The following C6orf58 variants were observed in gnomAD, a reference collection of about 807,000 sequenced individuals.
C6orf58 encodes chromosome 6 open reading frame 58, also known as protein LEG1 homolog.
In C6orf58, 30 loss-of-function variants were observed where a neutral mutation model predicts 37.0. The ratio of observed to expected loss-of-function variants is 0.81; its 90% CI spans 0.61 to 1.10. The LOEUF (loss-of-function observed/expected upper bound fraction) is 1.10, where lower values mean the gene tolerates loss of function less well. Among genes scored for constraint, C6orf58 ranks in the 50% least tolerant of loss-of-function variants. The pLI, the probability that C6orf58 is intolerant of heterozygous loss-of-function variation, is 0.00. For missense variants in C6orf58, 368 were observed against 387.5 expected, an observed-to-expected ratio of 0.95 and a Z score of 0.42; for synonymous variants, 143 against 134.1, an observed-to-expected ratio of 1.07 and a Z score of -0.46.
In C6orf58 at chr6:127,577,321, G is replaced by A; in HGVS notation, c.136G>A (p.Glu46Lys). 1.9e-6 allele frequency: 3 copies of A among 1,613,594 alleles called. No individual in the cohort carries two copies. The highest frequency in any genetic ancestry group is 2.5e-6 in the Non-Finnish European group (3 of 1,179,612). ...TGGTCAGCTCAGTGACTACAGGGTG[G>A]AGAACAGCATGTACATTATTAATCC... ...SPGQLSDYRV[E>K]NSMYIINPWV... The change falls in exon 1 of 6, where the codon GAG (glutamate) becomes AAG (lysine). Residue 46 changes from glutamate (E) to lysine (K), a missense_variant. Transcript: ENST00000329722.
intron 5 of C6orf58, 24 bp from the exon 6 acceptor site, chr6:127,591,519 G>C: frequency 6.6e-7 from 1 of 1,505,172 alleles, no homozygotes; most frequent in Non-Finnish European, 8.8e-7. Flanking sequence ...GAGTTTACAT[G>C]TAATCATTTT....
intron 4 of C6orf58, among the ~76,000 whole-genome samples, chr6:127,584,154 C>T (rs1440247069): frequency 1.3e-5 from 2 of 152,130 alleles, no homozygotes; most frequent in Admixed American, 6.5e-5. Context: ...ATAGCATTTG[C>T]CTTCTCGCAT....
At chr6:127,582,860 T>C (rs953328577) in intron 4 of C6orf58, among the ~76,000 whole-genome samples, 1 of 152,210 alleles carries the variant, frequency 6.6e-6, no homozygotes, top group Non-Finnish European at 1.5e-5. Context: ...GACATGGATT[T>C]GCCCACATAT....
chr6:127,578,422 G>A (rs1775012830), intron 1 of C6orf58, among the ~76,000 whole-genome samples: 1 of 151,754 alleles, frequency 6.6e-6, no homozygotes, highest in Non-Finnish European at 1.5e-5. Context: ...AGGTAGAGGA[G>A]GAAATAGAAG....
intron 4 of C6orf58, among the ~76,000 whole-genome samples, chr6:127,589,558 C>A (rs1775140026): frequency 6.6e-6 from 1 of 152,152 alleles, no homozygotes; most frequent in Non-Finnish European, 1.5e-5. Context: ...ATTACAGAGT[C>A]TTTTCTAACA....
intron 2 of C6orf58, among the ~76,000 whole-genome samples, chr6:127,579,267 T>C (rs1248020056): frequency 2.0e-5 from 3 of 152,192 alleles, no homozygotes; most frequent in Admixed American, 6.5e-5. Context: ...AACCAGAAGG[T>C]ATTTTCTAAT....
chr6:127,585,488 A>G (rs994499434), intron 4 of C6orf58, among the ~76,000 whole-genome samples: 1 of 152,220 alleles, frequency 6.6e-6, no homozygotes, highest in Non-Finnish European at 1.5e-5. Flanking sequence ...TCGATCTTTT[A>G]TAGAGAGGAC....
chr6:127,591,492 C>T, intron 5 of C6orf58, 51 bp from the exon 6 acceptor site: 4 of 1,447,700 alleles, frequency 2.8e-6, no homozygotes, highest in Non-Finnish European at 3.7e-6. Context: ...CCAAAAGGTA[C>T]TTTAAAAAAT....
At chr6:127,583,639 A>G (rs1239261166) in intron 4 of C6orf58, among the ~76,000 whole-genome samples, 1 of 152,138 alleles carries the variant, frequency 6.6e-6, no homozygotes, top group East Asian at 1.9e-4. Context: ...GTTGTGCTGC[A>G]AAAAAGAGCT....
chr6:127,589,940 T>C, intron 4 of C6orf58, 147 bp from the exon 5 acceptor site: 2 of 620,186 alleles, frequency 3.2e-6, no homozygotes, highest in Admixed American at 3.0e-5. Flanking sequence ...AGGGATGGAA[T>C]AAAGTCATCA....
Position 127,577,260 on chromosome 6 carries a change from C to T in C6orf58, c.75C>T (p.Leu25=). 1.2e-6 allele frequency: 2 copies of T among 1,613,516 alleles called. No homozygotes were observed. Among genetic ancestry groups the T allele is most frequent in the South Asian group, 1.1e-5 (1 of 91,058 alleles). The change falls in exon 1 of 6, where the codon CTC becomes CTT. Residue 25 remains leucine (L), a synonymous_variant. Coordinates refer to ENST00000329722, the MANE Select transcript of C6orf58 (RefSeq NM_001010905.3). ...CTTCCTTAGCAGGGACTTCCAATCT[C>T]TCAGAGACAGAGCCCCCTCTGTGGA... The part of the protein sequence containing the change: ...FSASLAGTSN[L]SETEPPLWKE...
chr6:127,577,611 C>A, intron 1 of C6orf58, 125 bp downstream of exon 1: 1 of 795,734 alleles, frequency 1.3e-6, no homozygotes, highest in Non-Finnish European at 2.0e-6. Context: ...GTTCTCTTTT[C>A]CCTTATAATC....
intron 2 of C6orf58, 92 bp from the exon 3 acceptor site, chr6:127,580,173 G>C (rs2114290764): frequency 1.1e-6 from 1 of 940,842 alleles, no homozygotes; most frequent in Non-Finnish European, 1.6e-6. Flanking sequence ...TTCTGGGTCT[G>C]TGAATTTTTT....
rs201644214 is a variant in C6orf58 at position 127,578,679 on chromosome 6, C to T, written c.302-7C>T. On this transcript the variant is annotated splice_region_variant and splice_polypyrimidine_tract_variant and intron_variant, in intron 1 of 5. Transcript: ENST00000329722. ...ATAAATACGACTGTGCATCCTCTCTCCTCCAGGCAGATTAGCTGATCCAAC... is the reference window on the plus strand; with the variant it reads ...ATAAATACGACTGTGCATCCTCTCTTCTCCAGGCAGATTAGCTGATCCAAC... 1.0e-3 allele frequency: 1,630 copies of T among 1,607,790 alleles called. 3 individuals are homozygous for T. Among genetic ancestry groups the T allele is most frequent in the Middle Eastern group, 6.1e-3 (37 of 6,042 alleles).
intron 1 of C6orf58, among the ~76,000 whole-genome samples, chr6:127,577,762 CA>C (rs1775006124): frequency 6.6e-6 from 1 of 152,050 alleles, no homozygotes; most frequent in Non-Finnish European, 1.5e-5. Flanking sequence ...GAGCATTTCA[CA>C]AATATTTGTT....
chr6:127,583,347 TG>T (rs1314709966), intron 4 of C6orf58, among the ~76,000 whole-genome samples: 1 of 152,142 alleles, frequency 6.6e-6, no homozygotes, highest in Non-Finnish European at 1.5e-5. Context: ...CAGAAGTAAT[TG>T]AGTATGAAAT....
Position 127,591,665 on chromosome 6 carries a change from A to G in C6orf58, c.*43A>G, listed in dbSNP as rs1350022924. The G allele has an allele frequency of 7.0e-7, 1 of 1,437,176 alleles. No individual in the cohort carries two copies. The highest frequency in any genetic ancestry group is 9.2e-7 in the Non-Finnish European group (1 of 1,089,532). 89.0% of individuals were successfully genotyped at this position (1,437,176 alleles called of 1,614,324 possible). On this transcript the variant is annotated 3_prime_UTR_variant, in exon 6 of 6. Transcript: ENST00000329722. ...TTCAGGAAATGATTAATGAATTAAA[A>G]ATGAAAAACTCGAACTTGACAATCA...
At position 127,581,179 on chromosome 6, in the gene C6orf58, T is replaced by G; in HGVS notation, c.574-3T>G. On this transcript the variant is annotated splice_polypyrimidine_tract_variant and splice_region_variant and intron_variant, in intron 3 of 5. Coordinates refer to ENST00000329722, the MANE Select transcript of C6orf58 (RefSeq NM_001010905.3). ...ATTAATAAATTTGACCTCTTTACCT[T>G]AGTATTTGCAGTCACCTTTTAGTAA... The G allele has an allele frequency of 7.0e-7, 1 of 1,428,598 alleles. No individual in the cohort carries two copies. Among genetic ancestry groups the G allele is most frequent in the East Asian group, 2.5e-5 (1 of 40,402 alleles). The allele number at this position is 1,428,598 out of a possible 1,614,324, so 88.5% of individuals were successfully genotyped here.
At chr6:127,584,171 G>A (rs1485127244) in intron 4 of C6orf58, among the ~76,000 whole-genome samples, 1 of 152,146 alleles carries the variant, frequency 6.6e-6, no homozygotes, top group Admixed American at 6.5e-5. Flanking sequence ...GCATAGAAAA[G>A]CACTTATAAA....
Sources: allele counts gnomAD v4.1 joint callset (sites outside exome capture counted in the v4.1 genomes callset), GRCh38; gene constraint gnomAD v4.1.1; transcripts MANE v1.5; gene names NCBI Gene and HGNC (gene_info 2026-07-23, HGNC 2026-07-21).